RAB12: variants seen among roughly 807,000 people sequenced by gnomAD.
The protein encoded by RAB12 is ras-related protein Rab-12.
Under a neutral mutation model 28.4 loss-of-function variants are expected in RAB12, and 11 were observed. That is an observed-to-expected ratio of 0.39 (90% CI 0.24 to 0.64). The LOEUF (loss-of-function observed/expected upper bound fraction) is 0.64. Ranked by LOEUF, RAB12 falls within the 30% of genes least tolerant of loss-of-function variation. The pLI, the probability that RAB12 is intolerant of heterozygous loss-of-function variation, is 0.50. For missense variants in RAB12, 276 were observed against 351.1 expected (o/e 0.79, Z 1.71); for synonymous variants, 138 against 145.3 (o/e 0.95, Z 0.36).
chr18:8,620,165 CA>C (rs10680284), intron 1 of RAB12, among the ~76,000 whole-genome samples: 24 of 75,422 alleles, frequency 3.2e-4, no homozygotes, highest in Admixed American at 9.0e-4. Context: ...TTTTTTGCTT[CA>C]AAAAAAAAAA....
At chr18:8,638,093 T>A in intron 5 of RAB12, 56 bp from the exon 6 acceptor site, 1 of 1,117,564 alleles carries the variant, frequency 8.9e-7, no homozygotes. Flanking sequence ...AAGGGTCAGC[T>A]GTATGTGTAC....
intron 2 of RAB12, among the ~76,000 whole-genome samples, chr18:8,626,522 GATTTATA>G (rs1404220352): frequency 6.6e-6 from 1 of 152,002 alleles, no homozygotes; most frequent in Non-Finnish European, 1.5e-5. Flanking sequence ...ATGTCCAAAT[GATTTATA>G]AAGTATGTCC....
chr18:8,626,568 G>A (rs1013191852), intron 2 of RAB12, among the ~76,000 whole-genome samples: 5 of 152,130 alleles, frequency 3.3e-5, no homozygotes, highest in African/African-American at 1.2e-4. Context: ...CTGGAGCTCT[G>A]CCCACTAAGT....
chr18:8,635,367 C>G (rs2096018275), intron 3 of RAB12, 166 bp from the exon 4 acceptor site: 1 of 561,112 alleles, frequency 1.8e-6, no homozygotes, highest in African/African-American at 1.9e-5. Context: ...TGAGCCCTGC[C>G]TTGCACTGCT....
At chr18:8,620,139 CTTTTTTTTTT>C (rs71165795) in intron 1 of RAB12, among the ~76,000 whole-genome samples, 6 of 53,954 alleles carry the variant, frequency 1.1e-4, no homozygotes, top group African/African-American at 3.9e-4. Flanking sequence ...TTTTCTTCTT[CTTTTTTTTTT>C]TTTTTTTTTT....
At position 8,639,281 on chromosome 18, in the gene RAB12, T is replaced by C. The variant is rs1312076284; in HGVS notation, c.*1019T>C. 2.6e-5 allele frequency: 4 copies of C among 151,702 alleles called. No homozygotes were observed. The highest frequency in any genetic ancestry group is 5.9e-5 in the Non-Finnish European group (4 of 67,882). The allele number at this position is 151,702 out of a possible 1,614,324, so 9.4% of individuals were successfully genotyped here. Reference sequence around the variant, plus strand: ...TTTAGTCAAGGTAATTAAGTAATTATGTATTTGAATAACTTGGTGTGTCTT... The same window carrying C: ...TTTAGTCAAGGTAATTAAGTAATTACGTATTTGAATAACTTGGTGTGTCTT... On this transcript the variant is annotated 3_prime_UTR_variant, in exon 6 of 6. Transcript: ENST00000649141.
intron 1 of RAB12, among the ~76,000 whole-genome samples, chr18:8,612,982 A>T (rs2096004677): frequency 1.3e-5 from 2 of 152,258 alleles, no homozygotes. Context: ...AGTAAATGGG[A>T]TTCACTTGAA....
At chr18:8,630,218 G>T (rs1009495011) in intron 2 of RAB12, among the ~76,000 whole-genome samples, 2 of 152,190 alleles carry the variant, frequency 1.3e-5, no homozygotes, top group Non-Finnish European at 2.9e-5. Flanking sequence ...ATTTTAAGGA[G>T]ACATAATACA....
intron 2 of RAB12, among the ~76,000 whole-genome samples, chr18:8,631,707 C>T (rs1202843563): frequency 6.6e-6 from 1 of 152,152 alleles, no homozygotes; most frequent in Non-Finnish European, 1.5e-5. Flanking sequence ...GAAATATGGT[C>T]AAGTGCACAT....
Position 8,638,193 on chromosome 18 carries a change from G to C in RAB12, c.954G>C (p.Leu318=), listed in dbSNP as rs1456768860. The C allele has an allele frequency of 1.2e-6, 2 of 1,613,680 alleles. No homozygotes were observed. The highest frequency in any genetic ancestry group is 1.7e-6 in the Non-Finnish European group (2 of 1,179,878). Residue 318 remains leucine (L), a synonymous_variant, in exon 6 of 6, where the codon CTG becomes CTC. Transcript: ENST00000649141. ...GGAATGAGTTGTCCAATAGTATCCT[G>C]TCGTTACAACCAGAGCCTGAGATAC... ...ILRNELSNSI[L]SLQPEPEIPP...
chr18:8,618,119 C>A (rs554606285), intron 1 of RAB12, among the ~76,000 whole-genome samples: 114 of 152,248 alleles, frequency 7.5e-4, no homozygotes, highest in African/African-American at 2.7e-3. Context: ...TCCAACTGTC[C>A]CTCTGTCCTC....
In RAB12 at chr18:8,610,174, C is replaced by T. The variant is rs2096002922; in HGVS notation, c.514+221C>T. ...GGGCAGACCTGCCCTTGGCCCCCGG[C>T]CCTGCCTCAGAGGTCCTGGCAGCCC... On this transcript the variant is annotated intron_variant, in intron 1 of 5. Coordinates refer to ENST00000649141, the MANE Select transcript of RAB12 (RefSeq NM_001025300.3). 3 of 454,336 alleles carry T rather than the reference C, an allele frequency of 6.6e-6. No homozygotes were observed. The South Asian group carries it at 8.8e-5, about 13-fold the overall frequency. The allele number at this position is 454,336 out of a possible 1,614,324, so 28.1% of individuals were successfully genotyped here.
chr18:8,637,094 T>A (rs981392442), intron 5 of RAB12, among the ~76,000 whole-genome samples: 19 of 151,924 alleles, frequency 1.3e-4, no homozygotes, highest in African/African-American at 4.6e-4. Context: ...TGAAGCCCCA[T>A]CTCTACAAAA....
intron 1 of RAB12, among the ~76,000 whole-genome samples, chr18:8,618,383 A>G (rs2096007846): frequency 6.6e-6 from 1 of 152,160 alleles, no homozygotes; most frequent in Non-Finnish European, 1.5e-5. Context: ...AAAATATTTT[A>G]TAGTTATAGT....
intron 2 of RAB12, among the ~76,000 whole-genome samples, chr18:8,630,633 T>C (rs1353893698): frequency 6.6e-6 from 1 of 152,172 alleles, no homozygotes; most frequent in East Asian, 1.9e-4. Context: ...CTTCAAATTT[T>C]ATATTTGGTT....
At chr18:8,619,148 AT>A (rs2096008367) in intron 1 of RAB12, among the ~76,000 whole-genome samples, 1 of 152,234 alleles carries the variant, frequency 6.6e-6, no homozygotes, top group Non-Finnish European at 1.5e-5. Context: ...GTCTATGGAA[AT>A]TCTTCAACTT....
intron 1 of RAB12, among the ~76,000 whole-genome samples, chr18:8,616,281 C>A (rs2096006620): frequency 6.6e-6 from 1 of 151,756 alleles, no homozygotes; most frequent in African/African-American, 2.4e-5. Context: ...ATTTATCATC[C>A]TCCTTTTGTC....
Position 8,636,358 on chromosome 18 carries a change from G to GTAAAAAAAAGA in RAB12, c.909+2_909+12dup, listed in dbSNP as rs528785895. The GTAAAAAAAAGA allele has an allele frequency of 4.4e-5, 67 of 1,537,556 alleles. No homozygotes were observed. In the African/African-American group the frequency reaches 7.3e-4, roughly 17 times the overall value. On this transcript the variant is annotated splice_donor_variant, in intron 5 of 5. Transcript: ENST00000649141. LOFTEE classifies it high-confidence loss of function. ...ACTTGTCGATGACATTCTGAAAAAG[G>GTAAAAAAAAGA]TAAAAAAAAGAATCTACATTATAAA... is the stretch of plus-strand genomic sequence containing the variant.
chr18:8,614,994 G>A (rs1396296516), intron 1 of RAB12, among the ~76,000 whole-genome samples: 2 of 152,198 alleles, frequency 1.3e-5, no homozygotes, highest in African/African-American at 2.4e-5. Context: ...CTTTAACTCC[G>A]CTGCAGGCCG....
Sources: allele counts gnomAD v4.1 joint callset (sites outside exome capture counted in the v4.1 genomes callset), GRCh38; gene constraint gnomAD v4.1.1; transcripts MANE v1.5; gene names NCBI Gene and HGNC (gene_info 2026-07-23, HGNC 2026-07-21).